LHFPL3: variants seen among roughly 807,000 people sequenced by gnomAD.
The protein encoded by LHFPL3 is LHFPL tetraspan subfamily member 3 protein.
LHFPL3 carries 5 observed loss-of-function variants against 19.3 expected under a neutral mutation model. The ratio of observed to expected loss-of-function variants is 0.26; its 90% confidence interval spans 0.14 to 0.54. The LOEUF (loss-of-function observed/expected upper bound fraction) is 0.54. Among genes scored for constraint, LHFPL3 ranks in the 20% least tolerant of loss-of-function variants. The pLI is 0.94. For synonymous variants in LHFPL3, 133 were observed against 126.2 expected, an observed-to-expected ratio of 1.05 and a Z score of -0.36; for missense variants, 249 against 307.4, an observed-to-expected ratio of 0.81 and a Z score of 1.42.
chr7:104,737,324 C>T lies in LHFPL3; in HGVS notation c.682+413C>T, dbSNP rs1019611079. The stretch of plus-strand genomic sequence containing the variant: ...AAATAAATGCCTGGAGAATCTCTAA[C>T]ATCATCTATATATATCTTTATTAAA... On this transcript the variant is annotated intron_variant, in intron 2 of 2. Transcript: ENST00000424859. Among the ~76,000 whole-genome samples, 3 of 152,242 alleles carry T rather than the reference C, an allele frequency of 2.0e-5. No individual in the cohort carries two copies. The South Asian group carries it at 6.2e-4, about 32-fold the overall frequency.
At chr7:104,788,064 C>T (rs1454188927) in intron 2 of LHFPL3, among the ~76,000 whole-genome samples, 1 of 152,166 alleles carries the variant, frequency 6.6e-6, no homozygotes, top group Admixed American at 6.5e-5. Context: ...CCTAGTGGTT[C>T]TTTTATAAAC....
chr7:104,764,580 A>T (rs1210720358), intron 2 of LHFPL3, among the ~76,000 whole-genome samples: 1 of 152,170 alleles, frequency 6.6e-6, no homozygotes, highest in Non-Finnish European at 1.5e-5. Context: ...TTCAGTTACA[A>T]AAACCCTATG....
At chr7:104,880,045 A>T (rs1308880759) in intron 2 of LHFPL3, among the ~76,000 whole-genome samples, 1 of 152,124 alleles carries the variant, frequency 6.6e-6, no homozygotes. Flanking sequence ...TTCAAAAAAA[A>T]AAACCAAAGA....
chr7:104,732,963 G>T (rs569803296), intron 1 of LHFPL3, among the ~76,000 whole-genome samples: 1 of 152,102 alleles, frequency 6.6e-6, no homozygotes, highest in Non-Finnish European at 1.5e-5. Flanking sequence ...CTTTATTTCT[G>T]CCTTCATTTT....
intron 2 of LHFPL3, among the ~76,000 whole-genome samples, chr7:104,749,234 G>T (rs1326897289): frequency 2.0e-4 from 30 of 151,612 alleles, no homozygotes; most frequent in African/African-American, 7.1e-4. Flanking sequence ...AGATGCTATT[G>T]CCAGTCCTGC....
chr7:104,404,344 A>C (rs529646424), intron 1 of LHFPL3, among the ~76,000 whole-genome samples: 1 of 152,364 alleles, frequency 6.6e-6, no homozygotes, highest in African/African-American at 2.4e-5. Context: ...ATAAAATGAC[A>C]TTTAATTAAA....
intron 1 of LHFPL3, among the ~76,000 whole-genome samples, chr7:104,676,814 G>A (rs1297494565): frequency 1.3e-5 from 2 of 152,298 alleles, no homozygotes; most frequent in African/African-American, 2.4e-5. Flanking sequence ...TGTCCTATTT[G>A]TATCAAAAGC....
intron 1 of LHFPL3, among the ~76,000 whole-genome samples, chr7:104,455,994 G>A (rs1275287649): frequency 6.6e-6 from 1 of 152,106 alleles, no homozygotes; most frequent in Non-Finnish European, 1.5e-5. Context: ...TCAGCATAGA[G>A]CACCTGAGTA....
At chr7:104,859,958 C>T (rs1344359473) in intron 2 of LHFPL3, among the ~76,000 whole-genome samples, 1 of 152,142 alleles carries the variant, frequency 6.6e-6, no homozygotes, top group Non-Finnish European at 1.5e-5. Flanking sequence ...TGTAAGGGAA[C>T]TCTGTACCTT....
intron 1 of LHFPL3, among the ~76,000 whole-genome samples, chr7:104,618,383 A>G (rs924029418): frequency 1.3e-5 from 2 of 152,196 alleles, no homozygotes; most frequent in African/African-American, 4.8e-5. Flanking sequence ...GGAAAATACT[A>G]TTTAACAGAT....
intron 2 of LHFPL3, among the ~76,000 whole-genome samples, chr7:104,887,217 CTG>C (rs1792166740): frequency 6.6e-6 from 1 of 152,186 alleles, no homozygotes; most frequent in African/African-American, 2.4e-5. Context: ...TAGGAAATAA[CTG>C]AAGGGAAGGA....
intron 1 of LHFPL3, among the ~76,000 whole-genome samples, chr7:104,426,200 A>T (rs1791840602): frequency 6.6e-6 from 1 of 151,902 alleles, no homozygotes; most frequent in Non-Finnish European, 1.5e-5. Flanking sequence ...TCTTAGGTTG[A>T]TAGGTAAAGC....
intron 1 of LHFPL3, among the ~76,000 whole-genome samples, chr7:104,593,383 A>G (rs927933288): frequency 6.6e-6 from 1 of 152,054 alleles, no homozygotes; most frequent in African/African-American, 2.4e-5. Context: ...TTCTAGTTTG[A>G]TTGCACTGTG....
At position 104,329,121 on chromosome 7, in the gene LHFPL3, C is replaced by G; in HGVS notation, c.342C>G (p.Leu114=). The part of the protein sequence containing the change: ...AFKAASFFIG[L]SMMLIIACII... ...AAGCCGCCTCCTTCTTTATCGGCCT[C>G]TCCATGATGCTCATCATTGCCTGCA... The change falls in exon 1 of 3, where the codon CTC becomes CTG. Residue 114 remains leucine (L), a synonymous_variant. Transcript: ENST00000424859. 1.2e-6 allele frequency: 2 copies of G among 1,614,104 alleles called. No homozygotes were observed. The highest frequency in any genetic ancestry group is 1.7e-6 in the Non-Finnish European group (2 of 1,179,918).
rs1173092657 is a variant in LHFPL3, at chr7:104,511,948, T to TC, written c.445+182724_445+182725insC. Reference sequence around the variant, plus strand: ...GTGATATTTTTCTTTCCTTTTCTTTTTTTTTTTTTTTTTTTTGGAGGAGGG... The same window carrying TC: ...GTGATATTTTTCTTTCCTTTTCTTTTCTTTTTTTTTTTTTTTTGGAGGAGGG... On this transcript the variant is annotated intron_variant, in intron 1 of 2. Transcript: ENST00000424859. 8.5e-4 allele frequency among the ~76,000 whole-genome samples: 123 copies of TC among 144,234 alleles called. 1 individual carries two copies. In the South Asian group the frequency reaches 0.011, roughly 13 times the overall value. 94.6% of individuals were successfully genotyped at this position (144,234 alleles called of 152,430 possible).
At chr7:104,629,274 A>G (rs537906725) in intron 1 of LHFPL3, among the ~76,000 whole-genome samples, 2 of 152,212 alleles carry the variant, frequency 1.3e-5, no homozygotes, top group South Asian at 4.1e-4. Flanking sequence ...ATTCTTTAGC[A>G]TGGGGATAAA....
chr7:104,696,710 T>G (rs970410362), intron 1 of LHFPL3, among the ~76,000 whole-genome samples: 1 of 152,144 alleles, frequency 6.6e-6, no homozygotes, highest in Non-Finnish European at 1.5e-5. Context: ...ATAAAAGAAA[T>G]TGATGGCTCT....
intron 1 of LHFPL3, among the ~76,000 whole-genome samples, chr7:104,684,960 T>A (rs1305843159): frequency 6.6e-6 from 1 of 152,240 alleles, no homozygotes; most frequent in African/African-American, 2.4e-5. Flanking sequence ...ATTTCTTTCA[T>A]GGCAGTAAAA....
At chr7:104,862,234 G>A (rs1009399792) in intron 2 of LHFPL3, among the ~76,000 whole-genome samples, 3 of 152,042 alleles carry the variant, frequency 2.0e-5, no homozygotes, top group African/African-American at 7.2e-5. Flanking sequence ...CCCACCTTTT[G>A]CTGGAAGTTA....
Sources: gnomAD v4.1 joint callset for allele counts (sites outside exome capture counted in the v4.1 genomes callset) on GRCh38, gnomAD v4.1.1 for gene constraint, MANE v1.5 for transcripts, NCBI Gene and HGNC (gene_info 2026-07-23, HGNC 2026-07-21) for gene names.